Variants in HIPK1 observed in about 807,000 individuals in gnomAD.
HIPK1 encodes the protein homeodomain-interacting protein kinase 1.
In HIPK1, 28 loss-of-function variants were observed where a neutral mutation model predicts 117.1. That is an observed-to-expected ratio of 0.24 (90% confidence interval 0.18 to 0.33). The LOEUF is 0.33. HIPK1 is among the 10% of genes least tolerant of loss of function. The probability of loss-of-function intolerance (pLI) is 1.00; values close to 1 mark genes in which losing one functional copy is unlikely to be tolerated. For synonymous variants in HIPK1, 605 were observed against 562.5 expected (o/e 1.08, Z -1.07); for missense variants, 1,122 against 1,475.1 (o/e 0.76, Z 3.92).
At chr1:113,943,331 T>C (rs892862495) in intron 2 of HIPK1, among the ~76,000 whole-genome samples, 2 of 152,240 alleles carry the variant, frequency 1.3e-5, no homozygotes, top group African/African-American at 4.8e-5. Context: ...TGACTTTCTG[T>C]CTCTATGAAT....
chr1:113,950,329 G>T (rs1053283633), intron 2 of HIPK1, among the ~76,000 whole-genome samples: 1 of 152,194 alleles, frequency 6.6e-6, no homozygotes, highest in African/African-American at 2.4e-5. Context: ...TTCACGGAAA[G>T]ATCTGTTTTC....
At chr1:113,938,677 G>C (rs1300654775) in intron 1 of HIPK1, among the ~76,000 whole-genome samples, 2 of 151,704 alleles carry the variant, frequency 1.3e-5, no homozygotes, top group Admixed American at 1.3e-4. Flanking sequence ...GGGAGGGTGA[G>C]GGGGGTGGAT....
intron 1 of HIPK1, chr1:113,930,075 C>T (rs1433062536): frequency 6.4e-5 from 61 of 952,272 alleles, no homozygotes; most frequent in Non-Finnish European, 7.0e-5. Flanking sequence ...GGGCCCCTGC[C>T]TGGGACCGGG....
chr1:113,954,517 CA>C (rs1671582661), intron 3 of HIPK1, 133 bp from the exon 4 acceptor site: 2 of 838,124 alleles, frequency 2.4e-6, no homozygotes, highest in South Asian at 3.5e-5. Flanking sequence ...TAGGTATTTA[CA>C]GATAAATTTC....
intron 1 of HIPK1, among the ~76,000 whole-genome samples, chr1:113,937,349 CTT>C (rs1466378421): frequency 3.9e-5 from 6 of 152,106 alleles, no homozygotes; most frequent in Admixed American, 1.3e-4. Flanking sequence ...GTCATGTTTC[CTT>C]CCTTTCTTGT....
chr1:113,936,466 G>A (rs986197328), intron 1 of HIPK1, among the ~76,000 whole-genome samples: 2 of 151,772 alleles, frequency 1.3e-5, no homozygotes, highest in Non-Finnish European at 2.9e-5. Flanking sequence ...ATCTAGTTAC[G>A]AATCCTTTTT....
rs189025899 is a variant in HIPK1 at position 113,966,301 on chromosome 1, T to G, written c.2381+29T>G. The G allele has an allele frequency of 1.1e-5, 17 of 1,598,460 alleles. No homozygotes were observed. In the African/African-American group the frequency reaches 2.0e-4, roughly 19 times the overall value. ...AGTGTCCTGTGTTACTCTGGGAGATTTGTAAGGGCCGATCCCATAGGGTGG... is the reference window on the plus strand; with the variant it reads ...AGTGTCCTGTGTTACTCTGGGAGATGTGTAAGGGCCGATCCCATAGGGTGG... On this transcript the variant is annotated intron_variant, in intron 11 of 15. Coordinates refer to ENST00000426820, the MANE Select transcript of HIPK1 (RefSeq NM_198268.3).
chr1:113,958,347 G>A (rs1671862085), intron 8 of HIPK1, 56 bp downstream of exon 8: 1 of 1,217,676 alleles, frequency 8.2e-7, no homozygotes, highest in Non-Finnish European at 1.2e-6. Flanking sequence ...CCTGCTTTAG[G>A]CAGCTCTAGT....
At chr1:113,959,376 G>C (rs1406857260) in intron 8 of HIPK1, among the ~76,000 whole-genome samples, 1 of 152,114 alleles carries the variant, frequency 6.6e-6, no homozygotes, top group Non-Finnish European at 1.5e-5. Context: ...AGAGCAGAGG[G>C]ACAGATTCAA....
chr1:113,946,213 A>G (rs527610020), intron 2 of HIPK1, among the ~76,000 whole-genome samples: 15 of 152,314 alleles, frequency 9.8e-5, no homozygotes, highest in East Asian at 1.9e-4. Flanking sequence ...TAACATATAT[A>G]TAACATACTC....
At chr1:113,956,377 C>G (rs2101344138) in intron 5 of HIPK1, among the ~76,000 whole-genome samples, 1 of 152,164 alleles carries the variant, frequency 6.6e-6, no homozygotes, top group Admixed American at 6.5e-5. Context: ...CCGCGCCCAG[C>G]CCCCAAATTT....
At chr1:113,968,883 T>C (rs1672636763) in intron 13 of HIPK1, among the ~76,000 whole-genome samples, 1 of 152,030 alleles carries the variant, frequency 6.6e-6, no homozygotes, top group African/African-American at 2.4e-5. Flanking sequence ...TAGCAGGGCG[T>C]GGTGGCACAT....
In HIPK1 at chr1:113,957,267, T is replaced by C; in HGVS notation, c.1736T>C (p.Leu579Pro). Residue 579 changes from leucine (L) to proline (P), a missense_variant, in exon 7 of 16, where the codon CTC becomes CCC. Transcript: ENST00000426820. ...CTAACCATGAGCTTCAGCAATCAGCTCAATACAGTGCACAATCAGGTATTC... is the reference window on the plus strand; with the variant it reads ...CTAACCATGAGCTTCAGCAATCAGCCCAATACAGTGCACAATCAGGTATTC... The part of the protein sequence containing the change: ...TNLTMSFSNQ[L>P]NTVHNQASVL... 6.2e-7 allele frequency: 1 copy of C among 1,613,508 alleles called. No homozygotes were observed. Among genetic ancestry groups the C allele is most frequent in the Non-Finnish European group, 8.5e-7 (1 of 1,179,648 alleles).
In HIPK1 at chr1:113,967,837, C is replaced by G. The variant is rs751268594; in HGVS notation, c.2453C>G (p.Thr818Arg). ...QQPSLLTNHV[T>R]LATAQPLNVG... ...CCATCCTTGCTGACTAACCATGTGA[C>G]ATTGGCCACTGCTCAGCCTCTGAAT... Residue 818 changes from threonine to arginine, a missense_variant, in exon 12 of 16, where the codon ACA becomes AGA. Coordinates refer to ENST00000426820, the MANE Select transcript of HIPK1 (RefSeq NM_198268.3). 18 of 1,612,612 alleles carry G rather than the reference C, an allele frequency of 1.1e-5. No homozygotes were observed. In the South Asian group the frequency reaches 1.7e-4, roughly 15 times the overall value.
chr1:113,959,396 A>G (rs771037469), intron 8 of HIPK1, among the ~76,000 whole-genome samples: 7 of 152,198 alleles, frequency 4.6e-5, no homozygotes, highest in African/African-American at 7.2e-5. Flanking sequence ...AAATCCGTAA[A>G]TGCACGTTTA....
At position 113,967,861 on chromosome 1, in the gene HIPK1, A is replaced by T; in HGVS notation, c.2477A>T (p.Asn826Ile). 6.2e-7 allele frequency: 1 copy of T among 1,612,290 alleles called. No homozygotes were observed. Among genetic ancestry groups the T allele is most frequent in the Non-Finnish European group, 8.5e-7 (1 of 1,179,664 alleles). ...ACATTGGCCACTGCTCAGCCTCTGA[A>T]TGTTGGTGTTGCCCATGTTGTCAGA... ...HVTLATAQPL[N>I]VGVAHVVRQQ... Residue 826 changes from asparagine (N) to isoleucine (I), a missense_variant, in exon 12 of 16, where the codon AAT (asparagine) becomes ATT (isoleucine). Physicochemically the swap from Asn to Ile is moderately radical, Grantham distance 149 (BLOSUM62 -3). Around this residue, in one of 6 missense-constraint regions of HIPK1, gnomAD observed 731 missense variants for 860.4 expected, o/e 0.85. Coordinates refer to ENST00000426820, the MANE Select transcript of HIPK1 (RefSeq NM_198268.3).
At chr1:113,949,742 G>A (rs1199986209) in intron 2 of HIPK1, among the ~76,000 whole-genome samples, 1 of 151,908 alleles carries the variant, frequency 6.6e-6, no homozygotes, top group Non-Finnish European at 1.5e-5. Flanking sequence ...GGGATTACAG[G>A]TGCCCGCCAC....
In HIPK1 at chr1:113,973,578, C is replaced by CTATT; in HGVS notation, c.*69_*70insTTAT. 1 of 1,504,182 alleles carries CTATT rather than the reference C, an allele frequency of 6.6e-7. No homozygotes were observed. Among genetic ancestry groups the CTATT allele is most frequent in the Non-Finnish European group, 8.9e-7 (1 of 1,121,146 alleles). 93.2% of individuals were successfully genotyped at this position (1,504,182 alleles called of 1,614,324 possible). On this transcript the variant is annotated 3_prime_UTR_variant, in exon 16 of 16. Transcript: ENST00000426820. Reference sequence around the variant, plus strand: ...CTGGCCCTGCGTTCTTAATATTGGGCTATGGAGAGATCCTCCTTTACCCTC... The same window carrying CTATT: ...CTGGCCCTGCGTTCTTAATATTGGGCTATTTATGGAGAGATCCTCCTTTACCCTC...
At chr1:113,951,944 GC>G (rs1415388256) in intron 2 of HIPK1, among the ~76,000 whole-genome samples, 2 of 128,152 alleles carry the variant, frequency 1.6e-5, no homozygotes, top group Non-Finnish European at 1.6e-5. Context: ...ATTGACCAGG[GC>G]TTTTTTTTTT....
Sources: allele counts gnomAD v4.1 joint callset (sites outside exome capture counted in the v4.1 genomes callset), GRCh38; gene constraint gnomAD v4.1.1; regional missense constraint gnomAD v4.1.1; transcripts MANE v1.5; gene names NCBI Gene and HGNC (gene_info 2026-07-23, HGNC 2026-07-21).